CGGBP1: variants seen among roughly 807,000 people sequenced by gnomAD.
CGGBP1 encodes CGG triplet repeat-binding protein 1.
In CGGBP1, 4 loss-of-function variants were observed where a neutral mutation model predicts 11.4. The ratio of observed to expected loss-of-function variants is 0.35; its 90% CI spans 0.17 to 0.80. The LOEUF (loss-of-function observed/expected upper bound fraction) is 0.80. CGGBP1 is among the 30% of genes least tolerant of loss of function. The pLI is 0.52. For synonymous variants in CGGBP1, 76 were observed against 74.1 expected, an observed-to-expected ratio of 1.03 and a Z score of -0.13; for missense variants, 135 against 202.1, an observed-to-expected ratio of 0.67 and a Z score of 2.01.
chr3:88,140,433 A>G (rs1707050161), intron 2 of CGGBP1: 8 of 1,613,628 alleles, frequency 5.0e-6, no homozygotes, highest in Non-Finnish European at 6.8e-6. Context: ...GAAAGAGTCT[A>G]CAGAACCAAA....
chr3:88,111,971 T>C (rs1705116312), intron 2 of CGGBP1, among the ~76,000 whole-genome samples: 1 of 152,012 alleles, frequency 6.6e-6, no homozygotes, highest in Non-Finnish European at 1.5e-5. Flanking sequence ...AAATATTCTC[T>C]TGCAGTTTTC....
At chr3:88,066,253 A>C (rs1201206276) in intron 2 of CGGBP1, among the ~76,000 whole-genome samples, 1 of 152,208 alleles carries the variant, frequency 6.6e-6, no homozygotes, top group Non-Finnish European at 1.5e-5. Context: ...TTGCTTTCCA[A>C]ATAACCACTC....
At chr3:88,107,682 T>C (rs1424052876) in intron 2 of CGGBP1, among the ~76,000 whole-genome samples, 1 of 152,196 alleles carries the variant, frequency 6.6e-6, no homozygotes, top group Non-Finnish European at 1.5e-5. Context: ...TGTCTTTCTG[T>C]AGGTACTCTG....
At chr3:88,116,631 T>C (rs1203776361) in intron 2 of CGGBP1, among the ~76,000 whole-genome samples, 2 of 152,018 alleles carry the variant, frequency 1.3e-5, no homozygotes, top group African/African-American at 2.4e-5. Flanking sequence ...TGTGTGTATA[T>C]ATATGTATAT....
intron 2 of CGGBP1, among the ~76,000 whole-genome samples, chr3:88,105,125 C>T (rs1704658156): frequency 6.6e-6 from 1 of 152,134 alleles, no homozygotes; most frequent in South Asian, 2.1e-4. Flanking sequence ...AGCAAGAGAG[C>T]AAGACTCCAT....
upstream of CGGBP1, among the ~76,000 whole-genome samples, chr3:88,059,703 T>G (rs1456493895): frequency 6.6e-6 from 1 of 151,890 alleles, no homozygotes; most frequent in Non-Finnish European, 1.5e-5. Flanking sequence ...ACCCACGGGC[T>G]TAGGGTTGCT....
At position 88,102,817 on chromosome 3, in the gene CGGBP1, C is replaced by CT. The variant is rs10701359; in HGVS notation, c.-229+38152dup. ...TGCTGTTTACCTCAACCTCTACTGT[C>CT]TTTTTTTTTTTTTTTTTTTTTAATA... On this transcript the variant is annotated intron_variant, in intron 2 of 3. Coordinates refer to the CGGBP1 transcript ENST00000462901. Among the ~76,000 whole-genome samples, 127 of 106,526 alleles carry CT rather than the reference C, an allele frequency of 1.2e-3. 1 individual carries two copies. Among genetic ancestry groups the CT allele is most frequent in the East Asian group, 4.2e-3 (14 of 3,314 alleles). The allele number at this position is 106,526 out of a possible 152,430, so 69.9% of individuals were successfully genotyped here.
At chr3:88,085,974 T>C (rs1708317827) in intron 2 of CGGBP1, among the ~76,000 whole-genome samples, 1 of 152,152 alleles carries the variant, frequency 6.6e-6, no homozygotes, top group Admixed American at 6.6e-5. Context: ...AAAAGCTGGA[T>C]ATAGGAGGTA....
Position 88,120,071 on chromosome 3 carries a change from A to AT in CGGBP1, c.-229+20898dup, listed in dbSNP as rs200387069. ...GCTCAATAAATACATAATTCTACTTATTTAAAAAAAAATCAAATAATGTAA... is the reference window on the plus strand; with the variant it reads ...GCTCAATAAATACATAATTCTACTTATTTTAAAAAAAAATCAAATAATGTAA... On this transcript the variant is annotated intron_variant, in intron 2 of 3. Coordinates refer to the CGGBP1 transcript ENST00000462901. 7.0e-3 allele frequency among the ~76,000 whole-genome samples: 383 copies of AT among 54,446 alleles called. 1 individual carries two copies. Among genetic ancestry groups the AT allele is most frequent in the African/African-American group, 0.015 (367 of 24,050 alleles). 35.7% of individuals were successfully genotyped at this position (54,446 alleles called of 152,430 possible).
At chr3:88,082,115 T>C (rs921018230) in intron 2 of CGGBP1, among the ~76,000 whole-genome samples, 13 of 151,986 alleles carry the variant, frequency 8.6e-5, no homozygotes, top group African/African-American at 3.1e-4. Flanking sequence ...ACACGTCTTC[T>C]GGTTTGTTAA....
At chr3:88,074,176 C>G (rs1178544151) in intron 2 of CGGBP1, among the ~76,000 whole-genome samples, 1 of 152,116 alleles carries the variant, frequency 6.6e-6, no homozygotes, top group Non-Finnish European at 1.5e-5. Context: ...TCTTCCCCTT[C>G]TAGAGTATTA....
intron 2 of CGGBP1, chr3:88,128,731 A>G (rs1459326716): frequency 1.1e-6 from 1 of 940,138 alleles, no homozygotes; most frequent in African/African-American, 1.7e-5. Flanking sequence ...ACCATATTTT[A>G]GTGGTAAAGT....
upstream of CGGBP1, chr3:88,059,266 C>A (rs562910146): frequency 5.2e-6 from 8 of 1,531,922 alleles, no homozygotes; most frequent in Non-Finnish European, 6.1e-6. Context: ...GCCTAGGCAT[C>A]TACGGCGGCG....
intron 2 of CGGBP1, chr3:88,086,378 A>G: frequency 6.5e-7 from 1 of 1,533,974 alleles, no homozygotes; most frequent in Non-Finnish European, 8.7e-7. Flanking sequence ...GAGCATGTAC[A>G]ATATGTTTTG....
At chr3:88,114,536 ACT>A (rs1470341602) in intron 2 of CGGBP1, among the ~76,000 whole-genome samples, 1 of 151,818 alleles carries the variant, frequency 6.6e-6, no homozygotes, top group Non-Finnish European at 1.5e-5. Context: ...ATCCTTTGAC[ACT>A]CTCTAATCCT....
rs755838999 is a variant in CGGBP1 at position 88,139,687 on chromosome 3, T to C, written c.-229+1283A>G. On this transcript the variant is annotated intron_variant, in intron 2 of 3. Coordinates refer to the CGGBP1 transcript ENST00000462901. The stretch of plus-strand genomic sequence containing the variant: ...CCCATAAGTGTACCAGAAGATGTTA[T>C]TGAAAATGTTATTGAAAATGGCAGT... The C allele has an allele frequency of 1.9e-6, 3 of 1,595,534 alleles. 1 individual carries two copies. The highest frequency in any genetic ancestry group is 2.2e-5 in the South Asian group (2 of 88,994).
At position 88,058,938 on chromosome 3, in the gene CGGBP1, G is replaced by A; in HGVS notation, c.-454C>T. On this transcript the variant is annotated 5_prime_UTR_variant, in exon 1 of 4. It adds an upstream start codon to the 5' untranslated region. Transcript: ENST00000482016. ...ATCCGTCGCTGCCGCCGTCGCCGCC[G>A]TTGCCCGATCGAGCCCCGCGGCGGC... 5.0e-6 allele frequency: 1 copy of A among 198,608 alleles called. No homozygotes were observed. The highest frequency in any genetic ancestry group is 1.0e-5 in the Non-Finnish European group (1 of 99,376). The allele number at this position is 198,608 out of a possible 1,614,324, so 12.3% of individuals were successfully genotyped here. A position where few individuals can be genotyped will look rare whatever the true frequency, so the allele number is the denominator to read the frequency against.
intron 1 of CGGBP1, among the ~76,000 whole-genome samples, chr3:88,145,079 CTG>C (rs1559743104): frequency 4.0e-5 from 6 of 150,304 alleles, no homozygotes; most frequent in Non-Finnish European, 5.9e-5. Flanking sequence ...AAAACAAAGA[CTG>C]AAATCATTTT....
intron 2 of CGGBP1, among the ~76,000 whole-genome samples, chr3:88,080,190 C>T (rs1708008624): frequency 6.6e-6 from 1 of 152,038 alleles, no homozygotes; most frequent in South Asian, 2.1e-4. Context: ...AGCTGAAACT[C>T]AGCAGTCGTT....
Sources: gnomAD v4.1 joint callset for allele counts (sites outside exome capture counted in the v4.1 genomes callset) on GRCh38, gnomAD v4.1.1 for gene constraint, MANE v1.5 for transcripts, NCBI Gene and HGNC (gene_info 2026-07-23, HGNC 2026-07-21) for gene names.